SDK1: variants seen among roughly 807,000 people sequenced by gnomAD.
SDK1 encodes the protein sidekick cell adhesion molecule 1.
A neutral mutation model predicts 245.5 loss-of-function variants in SDK1; 157 were observed. The observed-to-expected ratio is 0.64, with a 90% CI of 0.56 to 0.73. The LOEUF is 0.73. Among genes scored for constraint, SDK1 ranks in the 30% least tolerant of loss-of-function variants. The pLI, the probability that SDK1 is intolerant of heterozygous loss-of-function variation, is 0.00. For synonymous variants in SDK1, 1,647 were observed against 1,278.5 expected, an observed-to-expected ratio of 1.29 and a Z score of -6.15; for missense variants, 3,583 against 3,002.3, an observed-to-expected ratio of 1.19 and a Z score of -4.52.
chr7:3,730,470 G>A (rs949886442), intron 4 of SDK1, among the ~76,000 whole-genome samples: 2 of 152,104 alleles, frequency 1.3e-5, no homozygotes, highest in African/African-American at 2.4e-5. Context: ...AATGACAGGT[G>A]GGTAGGACAC....
chr7:4,101,786 T>C (rs949761140), intron 22 of SDK1, among the ~76,000 whole-genome samples: 44 of 152,238 alleles, frequency 2.9e-4, no homozygotes, highest in African/African-American at 1.1e-3. Flanking sequence ...CCCAGGTCTC[T>C]GTCTCCTTGT....
intron 4 of SDK1, among the ~76,000 whole-genome samples, chr7:3,693,626 AGTTTCTTTTTATT>A (rs1278091080): frequency 6.6e-6 from 1 of 151,784 alleles, no homozygotes; most frequent in Non-Finnish European, 1.5e-5. Context: ...TATTATGAAT[AGTTTCTTTTTATT>A]GTTTTTTTCT....
At chr7:4,091,878 A>G (rs540064823) in intron 22 of SDK1, among the ~76,000 whole-genome samples, 14 of 152,192 alleles carry the variant, frequency 9.2e-5, no homozygotes, top group Admixed American at 2.6e-4. Flanking sequence ...TTCTGGCCAC[A>G]CGTTCTTCTG....
At chr7:3,455,692 G>C (rs1258875177) in intron 1 of SDK1, among the ~76,000 whole-genome samples, 2 of 151,904 alleles carry the variant, frequency 1.3e-5, no homozygotes, top group African/African-American at 2.4e-5. Flanking sequence ...CTATATGGTA[G>C]GCCTTAGTAT....
chr7:4,053,819 G>C (rs904594376), intron 19 of SDK1, among the ~76,000 whole-genome samples: 7 of 152,184 alleles, frequency 4.6e-5, no homozygotes, highest in African/African-American at 1.7e-4. Flanking sequence ...GCTGTGAATT[G>C]ATCCCAGAAG....
intron 2 of SDK1, among the ~76,000 whole-genome samples, chr7:3,629,504 G>T (rs1782226728): frequency 6.6e-6 from 1 of 152,122 alleles, no homozygotes; most frequent in Non-Finnish European, 1.5e-5. Flanking sequence ...ACTCGGCGGA[G>T]TGTCTGTTCT....
At chr7:4,037,898 T>C (rs143477068) in intron 17 of SDK1, among the ~76,000 whole-genome samples, 1,901 of 152,306 alleles carry the variant, frequency 0.012, 41 homozygotes, top group African/African-American at 0.038. Flanking sequence ...CCAAAACTTA[T>C]AATTTTTTTC....
chr7:3,601,584 C>G (rs987568171), intron 1 of SDK1, among the ~76,000 whole-genome samples: 18 of 151,412 alleles, frequency 1.2e-4, no homozygotes, highest in Non-Finnish European at 1.5e-5. Flanking sequence ...TGATTTGTGT[C>G]TTCTCTCTTT....
At chr7:3,514,104 AAAG>A (rs1387942761) in intron 1 of SDK1, among the ~76,000 whole-genome samples, 1 of 152,146 alleles carries the variant, frequency 6.6e-6, no homozygotes, top group Non-Finnish European at 1.5e-5. Context: ...AGAAGTAAGG[AAAG>A]AAGAGAGGGA....
At chr7:3,870,624 C>G (rs944868116) in intron 5 of SDK1, among the ~76,000 whole-genome samples, 1 of 152,032 alleles carries the variant, frequency 6.6e-6, no homozygotes, top group African/African-American at 2.4e-5. Context: ...AGAAGAGTTG[C>G]AAAGTTAGCA....
At chr7:4,115,181 A>G (rs1345318245) in intron 25 of SDK1, among the ~76,000 whole-genome samples, 1 of 152,160 alleles carries the variant, frequency 6.6e-6, no homozygotes, top group Admixed American at 6.5e-5. Context: ...CTTCAGTCTG[A>G]TCTGAATTAG....
intron 44 of SDK1, among the ~76,000 whole-genome samples, chr7:4,249,926 T>A (rs1271986053): frequency 1.3e-5 from 2 of 152,100 alleles, no homozygotes; most frequent in Non-Finnish European, 2.9e-5. Flanking sequence ...ATTCAGTGGG[T>A]TTCAGTACAT....
chr7:3,932,300 C>G (rs1422428340), intron 5 of SDK1, among the ~76,000 whole-genome samples: 1 of 152,184 alleles, frequency 6.6e-6, no homozygotes, highest in African/African-American at 2.4e-5. Flanking sequence ...CACATACAGC[C>G]TCCGCCTGGT....
At chr7:3,385,926 A>G (rs1781599439) in intron 1 of SDK1, among the ~76,000 whole-genome samples, 2 of 152,084 alleles carry the variant, frequency 1.3e-5, no homozygotes, top group Admixed American at 1.3e-4. Context: ...CTTCTGTAAA[A>G]TTCTCTAGTA....
intron 40 of SDK1, among the ~76,000 whole-genome samples, chr7:4,222,122 A>T (rs1785181455): frequency 6.6e-6 from 1 of 152,168 alleles, no homozygotes; most frequent in East Asian, 1.9e-4. Flanking sequence ...CCACCTGCCA[A>T]TCTGGCAGGA....
chr7:3,302,665 G>A (rs117478573), intron 1 of SDK1, among the ~76,000 whole-genome samples: 2,321 of 143,334 alleles, frequency 0.016, 53 homozygotes, highest in African/African-American at 0.049. Context: ...AGCTAGCATC[G>A]TTTTCTTTTG....
intron 1 of SDK1, among the ~76,000 whole-genome samples, chr7:3,612,270 C>T (rs1464168719): frequency 2.0e-5 from 3 of 152,218 alleles, no homozygotes; most frequent in South Asian, 2.1e-4. Flanking sequence ...ATCATAGGAT[C>T]CTCTTACAGC....
chr7:3,601,748 A>T (rs1227400616), intron 1 of SDK1, among the ~76,000 whole-genome samples: 3 of 151,776 alleles, frequency 2.0e-5, no homozygotes, highest in Admixed American at 6.6e-5. Context: ...ACATATGTAT[A>T]CATGTGCCAT....
chr7:3,996,574 C>G (rs549456498), intron 14 of SDK1, among the ~76,000 whole-genome samples: 16 of 152,200 alleles, frequency 1.1e-4, no homozygotes, highest in African/African-American at 2.6e-4. Flanking sequence ...ACTTTTTTGT[C>G]AAGGTTGTCC....
Sources: allele counts gnomAD v4.1 joint callset (sites outside exome capture counted in the v4.1 genomes callset), GRCh38; gene constraint gnomAD v4.1.1; transcripts MANE v1.5; gene names NCBI Gene and HGNC (gene_info 2026-07-23, HGNC 2026-07-21).